Variants in MSH4 observed in about 807,000 individuals in gnomAD.
MSH4 encodes the protein mutS homolog 4, also known as mutS protein homolog 4.
MSH4 carries 106 observed loss-of-function variants against 113.7 expected under a neutral mutation model. The ratio of observed to expected loss-of-function variants is 0.93; its 90% CI spans 0.80 to 1.10. MSH4 has a LOEUF of 1.10. MSH4 is among the 50% of genes least tolerant of loss of function. MSH4 has a pLI of 0.00. For synonymous variants in MSH4, 368 were observed against 380.2 expected (o/e 0.97, Z 0.37); for missense variants, 1,061 against 1,093.7 (o/e 0.97, Z 0.42).
At position 75,876,951 on chromosome 1, in the gene MSH4, TG is replaced by T; in HGVS notation, c.1322del (p.Cys441LeufsTer6). 6.4e-7 allele frequency: 1 copy of T among 1,558,850 alleles called. No homozygotes were observed. Among genetic ancestry groups the T allele is most frequent in the Non-Finnish European group, 8.7e-7 (1 of 1,152,452 alleles). ...TCTTTAATAGATTGCTATGAAGAAC[TG>T]TAACACACCTTTATTAAGAGCTTAC... ...VDPLKIAMKN[C>X]NTPLLRAYYG... On this transcript the variant is annotated frameshift_variant, in exon 10 of 20. Coordinates refer to ENST00000263187, the MANE Select transcript of MSH4 (RefSeq NM_002440.4). LOFTEE classifies it high-confidence loss of function.
chr1:75,902,655 GGTGT>G (rs1364081233), intron 19 of MSH4, among the ~76,000 whole-genome samples: 1 of 126,186 alleles, frequency 7.9e-6, no homozygotes, highest in Admixed American at 8.8e-5. Flanking sequence ...ACTAGGTACA[GGTGT>G]TATATATGTG....
At chr1:75,867,650 A>C (rs1651616709) in intron 9 of MSH4, 62 bp downstream of exon 9, 6 of 1,167,522 alleles carry the variant, frequency 5.1e-6, no homozygotes, top group Non-Finnish European at 7.3e-6. Flanking sequence ...TTTTTGTTGG[A>C]AAAAAATTTC....
At chr1:75,844,605 T>C (rs891519189) in intron 7 of MSH4, among the ~76,000 whole-genome samples, 3 of 152,054 alleles carry the variant, frequency 2.0e-5, no homozygotes, top group Non-Finnish European at 4.4e-5. Context: ...GGATTATAGG[T>C]GTAAGCCACC....
intron 19 of MSH4, among the ~76,000 whole-genome samples, chr1:75,911,662 G>A (rs1652789275): frequency 6.6e-6 from 1 of 151,960 alleles, no homozygotes; most frequent in East Asian, 1.9e-4. Flanking sequence ...AAGCTTAGAG[G>A]CCTGGAACAT....
chr1:75,828,618 G>A (rs1014685923), intron 7 of MSH4, among the ~76,000 whole-genome samples: 2 of 152,094 alleles, frequency 1.3e-5, no homozygotes, highest in Non-Finnish European at 2.9e-5. Flanking sequence ...GGTACACATG[G>A]GGATATAAAG....
chr1:75,881,464 T>G, intron 14 of MSH4, 94 bp downstream of exon 14: 1 of 1,307,734 alleles, frequency 7.6e-7, no homozygotes, highest in Non-Finnish European at 1.1e-6. Context: ...TTAAAATTTT[T>G]AACTTGAAAT....
chr1:75,894,429 C>T (rs1175454972), intron 17 of MSH4, among the ~76,000 whole-genome samples: 2 of 152,216 alleles, frequency 1.3e-5, no homozygotes, highest in African/African-American at 4.8e-5. Flanking sequence ...CCTGCAGTCA[C>T]CAAGACTGAC....
At position 75,881,339 on chromosome 1, in the gene MSH4, A is replaced by G; in HGVS notation, c.1875A>G (p.Ser625=). 1.9e-6 allele frequency: 3 copies of G among 1,612,004 alleles called. No individual in the cohort carries two copies. Among genetic ancestry groups the G allele is most frequent in the South Asian group, 1.1e-5 (1 of 91,008 alleles). Residue 625 remains serine (S), a synonymous_variant, in exon 14 of 20, where the codon TCA becomes TCG. Coordinates refer to ENST00000263187, the MANE Select transcript of MSH4 (RefSeq NM_002440.4). ...DTVSMLDMLL[S]FAHACTLSDY... ...TGTCAATGCTGGATATGCTACTGTC[A>G]TTTGCTCATGCCTGCACTCTTTCTG...
At chr1:75,872,003 T>A (rs988534066) in intron 9 of MSH4, among the ~76,000 whole-genome samples, 2 of 152,222 alleles carry the variant, frequency 1.3e-5, no homozygotes, top group Non-Finnish European at 2.9e-5. Context: ...ATTCTGAAAC[T>A]TTTTAAGTAC....
chr1:75,880,309 C>T (rs1054754476), intron 13 of MSH4, among the ~76,000 whole-genome samples, 156 bp downstream of exon 13: 1 of 152,062 alleles, frequency 6.6e-6, no homozygotes, highest in Non-Finnish European at 1.5e-5. Context: ...AATCACTGAG[C>T]CTCACAGAAG....
chr1:75,840,244 C>T (rs879416903), intron 7 of MSH4, among the ~76,000 whole-genome samples: 35 of 139,924 alleles, frequency 2.5e-4, no homozygotes, highest in Non-Finnish European at 3.6e-4. Flanking sequence ...GCACTATTCA[C>T]AATAGCAAAG....
chr1:75,822,492 C>T lies in MSH4; in HGVS notation c.1073C>T (p.Pro358Leu). The change falls in exon 7 of 20, where the codon CCT (proline) becomes CTT (leucine). Residue 358 changes from proline to leucine, a missense_variant. Transcript: ENST00000263187. ...CGACTTCGTTCTAATATATTAGAGC[C>T]TCTAGTTGATATTGAAACCATTAAC... is the stretch of plus-strand genomic sequence containing the variant. ...SRRLRSNILE[P>L]LVDIETINMR... The T allele has an allele frequency of 6.3e-7, 1 of 1,579,296 alleles. No individual in the cohort carries two copies. Among genetic ancestry groups the T allele is most frequent in the South Asian group, 1.2e-5 (1 of 85,920 alleles).
At chr1:75,878,885 TA>T in intron 11 of MSH4, 106 bp from the exon 12 acceptor site, 1 of 1,015,792 alleles carries the variant, frequency 9.8e-7, no homozygotes, top group Non-Finnish European at 1.4e-6. Flanking sequence ...TATTTATGTA[TA>T]AAATAAGAAT....
intron 15 of MSH4, among the ~76,000 whole-genome samples, chr1:75,885,179 A>G (rs1357325416): frequency 6.9e-6 from 1 of 145,288 alleles, no homozygotes; most frequent in Non-Finnish European, 1.5e-5. Context: ...ACTTAATAAT[A>G]TACGCTATGT....
intron 7 of MSH4, among the ~76,000 whole-genome samples, chr1:75,842,637 T>G (rs944507376): frequency 3.3e-5 from 5 of 152,082 alleles, no homozygotes; most frequent in Admixed American, 3.3e-4. Context: ...CAGTGAGAAG[T>G]GACCAGAAGA....
Position 75,798,981 on chromosome 1 carries a change from G to A in MSH4, c.244+1752G>A, listed in dbSNP as rs1162502969. 3.3e-5 allele frequency among the ~76,000 whole-genome samples: 5 copies of A among 152,150 alleles called. No homozygotes were observed. The South Asian group carries it at 1.0e-3, about 32-fold the overall frequency. On this transcript the variant is annotated intron_variant, in intron 1 of 19. Coordinates refer to ENST00000263187, the MANE Select transcript of MSH4 (RefSeq NM_002440.4). Reference sequence around the variant, plus strand: ...AGTAGACCTGTATCTGCAGGTAAAAGATCAAACTCTCTAGAAGGATAGCCA... The same window carrying A: ...AGTAGACCTGTATCTGCAGGTAAAAAATCAAACTCTCTAGAAGGATAGCCA...
At chr1:75,839,910 A>C (rs1462965416) in intron 7 of MSH4, among the ~76,000 whole-genome samples, 2 of 143,120 alleles carry the variant, frequency 1.4e-5, no homozygotes, top group Admixed American at 1.4e-4. Flanking sequence ...CAAAAAACAC[A>C]TGAAAAAATG....
chr1:75,832,078 A>T (rs1650706335), intron 7 of MSH4, among the ~76,000 whole-genome samples: 1 of 152,198 alleles, frequency 6.6e-6, no homozygotes, highest in Non-Finnish European at 1.5e-5. Context: ...AATCAAATAG[A>T]TGCAATAAAA....
chr1:75,830,901 C>T (rs1266015135), intron 7 of MSH4, among the ~76,000 whole-genome samples: 1 of 152,122 alleles, frequency 6.6e-6, no homozygotes, highest in Non-Finnish European at 1.5e-5. Context: ...AAATCACCAG[C>T]TAACATCATA....
Sources: gnomAD v4.1 joint callset for allele counts (sites outside exome capture counted in the v4.1 genomes callset) on GRCh38, gnomAD v4.1.1 for gene constraint, MANE v1.5 for transcripts, NCBI Gene and HGNC (gene_info 2026-07-23, HGNC 2026-07-21) for gene names.